Variants in HMCN2 observed in about 807,000 individuals in gnomAD.
HMCN2 encodes the protein hemicentin-2.
Under a neutral mutation model 377.5 loss-of-function variants are expected in HMCN2, and 325 were observed. That is an observed-to-expected ratio of 0.86 (90% CI 0.79 to 0.94). The LOEUF (loss-of-function observed/expected upper bound fraction) is 0.94, where lower values mean the gene tolerates loss of function less well. HMCN2 is among the 40% of genes least tolerant of loss of function. The probability of loss-of-function intolerance (pLI) is 0.00; values close to 1 mark genes in which losing one functional copy is unlikely to be tolerated. For synonymous variants in HMCN2, 2,007 were observed against 2,046.8 expected (o/e 0.98, Z 0.53); for missense variants, 4,543 against 4,725.3 (o/e 0.96, Z 1.13).
At chr9:130,386,033 C>T (rs1040899740) in intron 60 of HMCN2, among the ~76,000 whole-genome samples, 6 of 152,142 alleles carry the variant, frequency 3.9e-5, no homozygotes, top group African/African-American at 7.2e-5. Flanking sequence ...TTATCTGGTC[C>T]GCTCCGGCTG....
chr9:130,329,976 C>G (rs1838341279), intron 22 of HMCN2, among the ~76,000 whole-genome samples: 1 of 151,646 alleles, frequency 6.6e-6, no homozygotes, highest in Admixed American at 6.6e-5. Context: ...CCCTCCCCCC[C>G]TTCCCTACAT....
rs754886198 is a variant in HMCN2 at position 130,360,588 on chromosome 9, T to G, written c.5934T>G (p.Tyr1978Ter). 8 of 1,302,268 alleles carry G rather than the reference T, an allele frequency of 6.1e-6. No homozygotes were observed. The highest frequency in any genetic ancestry group is 6.1e-6 in the Non-Finnish European group (6 of 987,800). The allele number at this position is 1,302,268 out of a possible 1,614,324, so 80.7% of individuals were successfully genotyped here. Reference protein sequence around the residue: ...SNVAGSTELRYGLRVNVPPRI... With the variant: ...SNVAGSTELR ...TGGCAGGTAGCACAGAGCTGCGGTA[T>G]GGCCTACGGGTCAATGGTGAGCTTC... is the stretch of plus-strand genomic sequence containing the variant. The change falls in exon 38 of 98, where the codon TAT becomes TAG. Residue 1978 changes from tyrosine (Y) to a stop codon, truncating the protein, a stop_gained. Transcript: ENST00000683500. LOFTEE classifies it high-confidence loss of function. The surrounding 1 kb of genome is among the most constrained non-coding windows in gnomAD (Gnocchi z 4.7).
chr9:130,390,498 G>A (rs1019068657), intron 62 of HMCN2, among the ~76,000 whole-genome samples: 2 of 152,224 alleles, frequency 1.3e-5, no homozygotes, highest in Non-Finnish European at 2.9e-5. Flanking sequence ...GGCTGGGGCC[G>A]TGAGAGATGG....
chr9:130,379,675 C>G (rs924629614), intron 54 of HMCN2, among the ~76,000 whole-genome samples: 5 of 152,192 alleles, frequency 3.3e-5, no homozygotes, highest in African/African-American at 1.2e-4. Context: ...ATGGGGCATG[C>G]CCTTCTGGGC....
At chr9:130,392,583 C>T (rs1244069290) in intron 66 of HMCN2, among the ~76,000 whole-genome samples, 1 of 152,084 alleles carries the variant, frequency 6.6e-6, no homozygotes, top group Non-Finnish European at 1.5e-5. Flanking sequence ...CCATATGGGA[C>T]GTGGAGCTTC....
chr9:130,289,353 G>C (rs960949474), intron 4 of HMCN2, among the ~76,000 whole-genome samples: 32 of 152,258 alleles, frequency 2.1e-4, no homozygotes, highest in African/African-American at 6.7e-4. Context: ...GGGGGTGAGG[G>C]GGAGCTGCTG....
intron 43 of HMCN2, among the ~76,000 whole-genome samples, chr9:130,366,548 G>A (rs190283480): frequency 1.5e-3 from 205 of 136,990 alleles, no homozygotes; most frequent in African/African-American, 5.2e-3. Flanking sequence ...CCGCCTCCTG[G>A]GTTGGAGTGA....
Position 130,379,292 on chromosome 9 carries a change from C to T in HMCN2, c.8256C>T (p.Phe2752=), listed in dbSNP as rs1342075811. ...FQKVGDFSAA[F]EILSREEEAR... ...AGGTGGGTGATTTCAGTGCAGCCTT[C>T]GAGATCCTGTCCCGGGAGGAGGAGG... Residue 2752 remains phenylalanine, a synonymous_variant, in exon 54 of 98, where the codon TTC becomes TTT. Transcript: ENST00000683500. The T allele has an allele frequency of 6.1e-6, 6 of 985,590 alleles. No individual in the cohort carries two copies. Among genetic ancestry groups the T allele is most frequent in the African/African-American group, 5.2e-5 (3 of 57,152 alleles). The allele number at this position is 985,590 out of a possible 1,614,324, so 61.1% of individuals were successfully genotyped here.
chr9:130,265,968 G>GC lies in HMCN2; in HGVS notation c.96dup (p.Thr33HisfsTer82). ...TGGCCGGGGCGCCCGGGACGGTAATGCCCCCCACCACGGGGGACGCCACCC... is the reference window on the plus strand; with the variant it reads ...TGGCCGGGGCGCCCGGGACGGTAATGCCCCCCCACCACGGGGGACGCCACCC... On this transcript the variant is annotated frameshift_variant, in exon 1 of 98. Coordinates refer to ENST00000683500, the MANE Select transcript of HMCN2 (RefSeq NM_001291815.2). LOFTEE classifies it high-confidence loss of function. 4.3e-6 allele frequency: 2 copies of GC among 466,160 alleles called. No individual in the cohort carries two copies. Among genetic ancestry groups the GC allele is most frequent in the Non-Finnish European group, 4.4e-6 (1 of 225,404 alleles). 28.9% of individuals were successfully genotyped at this position (466,160 alleles called of 1,614,324 possible). A position where few individuals can be genotyped will look rare whatever the true frequency, so the allele number is the denominator to read the frequency against.
In HMCN2 at chr9:130,351,723, T is replaced by G; in HGVS notation, c.4585+146T>G. The stretch of plus-strand genomic sequence containing the variant: ...AGTCCAAGAAAGCTGGGGGCTGGGG[T>G]CGGGGTTGGGGTCAGGGTCAGGGGA... On this transcript the variant is annotated intron_variant, in intron 30 of 97. Coordinates refer to ENST00000683500, the MANE Select transcript of HMCN2 (RefSeq NM_001291815.2). This position sits in a 1 kb window ranked among gnomAD's most constrained non-coding sequence, Gnocchi z 5.4. The G allele has an allele frequency of 1.5e-5, 8 of 535,988 alleles. No homozygotes were observed. Among genetic ancestry groups the G allele is most frequent in the Non-Finnish European group, 2.3e-5 (8 of 354,950 alleles). 33.2% of individuals were successfully genotyped at this position (535,988 alleles called of 1,614,324 possible).
intron 22 of HMCN2, among the ~76,000 whole-genome samples, chr9:130,328,249 C>T (rs1384128861): frequency 6.6e-6 from 1 of 152,198 alleles, no homozygotes; most frequent in African/African-American, 2.4e-5. Context: ...GGGAGCCGGC[C>T]CTGGGCATCA....
chr9:130,289,171 C>G (rs1320291582), intron 4 of HMCN2, among the ~76,000 whole-genome samples: 7 of 152,176 alleles, frequency 4.6e-5, no homozygotes, highest in African/African-American at 1.7e-4. Flanking sequence ...GCATCTTGCT[C>G]TCCTCTGCAT....
At position 130,395,011 on chromosome 9, in the gene HMCN2, C is replaced by A; in HGVS notation, c.10693-16C>A. On this transcript the variant is annotated splice_polypyrimidine_tract_variant and intron_variant, in intron 69 of 97. Coordinates refer to ENST00000683500, the MANE Select transcript of HMCN2 (RefSeq NM_001291815.2). ...AGAGGGGCCAGGGGCAGCTGCTCAA[C>A]CCGCTCCATCCCCAGGTTAGGGATG... 1 of 1,280,554 alleles carries A rather than the reference C, an allele frequency of 7.8e-7. No homozygotes were observed. Among genetic ancestry groups the A allele is most frequent in the Non-Finnish European group, 1.0e-6 (1 of 983,466 alleles). 79.3% of individuals were successfully genotyped at this position (1,280,554 alleles called of 1,614,324 possible). A position where few individuals can be genotyped will look rare whatever the true frequency, so the allele number is the denominator to read the frequency against.
At position 130,375,948 on chromosome 9, in the gene HMCN2, A is replaced by T. The variant is rs189383587; in HGVS notation, c.7877A>T (p.Glu2626Val). 1.3e-4 allele frequency: 129 copies of T among 985,834 alleles called. No homozygotes were observed. The African/African-American group carries it at 2.2e-3, about 17-fold the overall frequency. 61.1% of individuals were successfully genotyped at this position (985,834 alleles called of 1,614,324 possible). Residue 2626 changes from glutamate to valine, a missense_variant, in exon 51 of 98, where the codon GAG (glutamate) becomes GTG (valine). Glu to Val is a moderately radical substitution (Grantham distance 121). This residue lies in a region of HMCN2 where 736 missense variants were observed against 773.2 expected (regional missense o/e 0.95). Transcript: ENST00000683500. Reference sequence around the variant, plus strand: ...CAGTACACCTGCGTGGTCACCAATGAGCTCGGGGAGGCCGTGAAAAACTAC... The same window carrying T: ...CAGTACACCTGCGTGGTCACCAATGTGCTCGGGGAGGCCGTGAAAAACTAC... The part of the protein sequence containing the change: ...AGQYTCVVTN[E>V]LGEAVKNYHV...
chr9:130,334,200 C>T (rs949021238), intron 22 of HMCN2, among the ~76,000 whole-genome samples: 6 of 152,192 alleles, frequency 3.9e-5, no homozygotes, highest in African/African-American at 7.2e-5. Flanking sequence ...TGCGGAGGAA[C>T]GGTGGTCCAG....
At chr9:130,344,180 C>T (rs1839214600) in intron 25 of HMCN2, among the ~76,000 whole-genome samples, 1 of 152,212 alleles carries the variant, frequency 6.6e-6, no homozygotes, top group Non-Finnish European at 1.5e-5. Context: ...CTCGGAAGGC[C>T]TGGCCCCCGG....
chr9:130,278,018 C>T (rs144641022), intron 1 of HMCN2, among the ~76,000 whole-genome samples: 58,381 of 74,106 alleles, frequency 0.79, 24,504 homozygotes, highest in African/African-American at 0.92. Context: ...ATCATCATCA[C>T]CACCACCACG....
In HMCN2 at chr9:130,425,127, G is replaced by A. The variant is rs1044259474; in HGVS notation, c.13638G>A (p.Val4546=). ...GCCTGGCTGACGCAGATCTTCAAGTGCAGGTCGGGGGTCAAGCCCTGGGGT... is the reference window on the plus strand; with the variant it reads ...GCCTGGCTGACGCAGATCTTCAAGTACAGGTCGGGGGTCAAGCCCTGGGGT... The part of the protein sequence containing the change: ...PESLADADLQ[V]QDFEEHYVQT... The change falls in exon 89 of 98, where the codon GTG becomes GTA. Residue 4546 remains valine, a synonymous_variant. Coordinates refer to ENST00000683500, the MANE Select transcript of HMCN2 (RefSeq NM_001291815.2). The A allele has an allele frequency of 1.9e-6, 3 of 1,547,666 alleles. No individual in the cohort carries two copies. Among genetic ancestry groups the A allele is most frequent in the Admixed American group, 2.0e-5 (1 of 50,842 alleles).
chr9:130,428,065 C>T lies in HMCN2; in HGVS notation c.14066-293C>T, dbSNP rs1373771944. ...CATCCCTGCACTCCCACCGGGAGGGCCTGGTGCTGCCAAGTCTCCGCTGGG... is the reference window on the plus strand; with the variant it reads ...CATCCCTGCACTCCCACCGGGAGGGTCTGGTGCTGCCAAGTCTCCGCTGGG... On this transcript the variant is annotated intron_variant, in intron 92 of 97. Transcript: ENST00000683500. This position sits in a 1 kb window ranked among gnomAD's most constrained non-coding sequence, Gnocchi z 5.0. Among the ~76,000 whole-genome samples the T allele has an allele frequency of 1.3e-5, 2 of 152,218 alleles. No individual in the cohort carries two copies. The highest frequency in any genetic ancestry group is 2.4e-5 in the African/African-American group (1 of 41,468).
Sources: allele counts gnomAD v4.1 joint callset (sites outside exome capture counted in the v4.1 genomes callset), GRCh38; gene constraint gnomAD v4.1.1; regional missense constraint gnomAD v4.1.1; non-coding constraint Gnocchi (gnomAD v3.1); transcripts MANE v1.5; gene names NCBI Gene and HGNC (gene_info 2026-07-23, HGNC 2026-07-21).